DIP2B: variants seen among roughly 807,000 people sequenced by gnomAD.
The protein encoded by DIP2B is disco-interacting protein 2 homolog B.
A neutral mutation model predicts 198.0 loss-of-function variants in DIP2B; 76 were observed. The observed-to-expected ratio is 0.38, with a 90% CI of 0.32 to 0.46. The LOEUF (loss-of-function observed/expected upper bound fraction) is 0.46, where lower values mean the gene tolerates loss of function less well. DIP2B is among the 20% of genes least tolerant of loss of function. The pLI is 0.99. For synonymous variants in DIP2B, 701 were observed against 739.1 expected, an observed-to-expected ratio of 0.95 and a Z score of 0.84; for missense variants, 1,559 against 1,978.4, an observed-to-expected ratio of 0.79 and a Z score of 4.02.
chr12:50,713,358 TA>T (rs1322120058), intron 22 of DIP2B, among the ~76,000 whole-genome samples: 2 of 152,264 alleles, frequency 1.3e-5, no homozygotes, highest in Non-Finnish European at 2.9e-5. Context: ...AGAAGTTTTT[TA>T]GGAGCTAACT....
In DIP2B at chr12:50,675,395, A is replaced by G; in HGVS notation, c.863A>G (p.Lys288Arg). 6.2e-7 allele frequency: 1 copy of G among 1,613,986 alleles called. No individual in the cohort carries two copies. Residue 288 changes from lysine (K) to arginine (R), a missense_variant, in exon 7 of 38, where the codon AAA becomes AGA. Lys to Arg is a conservative substitution (Grantham distance 26). Transcript: ENST00000301180. The part of the protein sequence containing the change: ...QQLLNTLKRP[K>R]RPPLKEFFVD... The stretch of plus-strand genomic sequence containing the variant: ...CTTCTGAACACTCTGAAACGACCCA[A>G]AAGGCCTCCCTTAAAGGAATTTTTT...
intron 28 of DIP2B, among the ~76,000 whole-genome samples, chr12:50,727,022 G>A (rs752073969): frequency 1.3e-5 from 2 of 152,146 alleles, no homozygotes; most frequent in Non-Finnish European, 1.5e-5. Flanking sequence ...GGAGGCTGAG[G>A]TGGGAGGATC....
In DIP2B at chr12:50,704,036, C is replaced by G. The variant is rs569276509; in HGVS notation, c.2326-104C>G. 7.7e-5 allele frequency: 69 copies of G among 893,116 alleles called. No individual in the cohort carries two copies. The Admixed American group carries it at 1.3e-3, about 17-fold the overall frequency. The allele number at this position is 893,116 out of a possible 1,614,324, so 55.3% of individuals were successfully genotyped here. Reference sequence around the variant, plus strand: ...GATGGAATTACTGGATTCACTATTACATTATTTTTTCACTGAGCATGTATT... The same window carrying G: ...GATGGAATTACTGGATTCACTATTAGATTATTTTTTCACTGAGCATGTATT... On this transcript the variant is annotated intron_variant, in intron 19 of 37. Transcript: ENST00000301180.
In DIP2B at chr12:50,737,071, T is replaced by C; in HGVS notation, c.4137T>C (p.Pro1379=). The C allele has an allele frequency of 6.2e-7, 1 of 1,614,148 alleles. No individual in the cohort carries two copies. Among genetic ancestry groups the C allele is most frequent in the South Asian group, 1.1e-5 (1 of 91,066 alleles). The change falls in exon 35 of 38, where the codon CCT becomes CCC. Residue 1379 remains proline (P), a synonymous_variant. Coordinates refer to ENST00000301180, the MANE Select transcript of DIP2B (RefSeq NM_173602.3). ...LPGVKVVIVN[P]ETKGPVGDSH... ...GAGTGAAAGTGGTTATTGTTAATCC[T>C]GAGACCAAAGGGCCGGTTGGAGACT...
At chr12:50,522,002 TTTA>T (rs1217563348) in intron 1 of DIP2B, among the ~76,000 whole-genome samples, 8 of 151,462 alleles carry the variant, frequency 5.3e-5, no homozygotes, top group Non-Finnish European at 7.4e-5. Context: ...TATTGTATAT[TTTA>T]TTATTATTTT....
In DIP2B at chr12:50,744,884, A is replaced by G. The variant is rs1428750094; in HGVS notation, c.*45A>G. On this transcript the variant is annotated 3_prime_UTR_variant, in exon 38 of 38. Transcript: ENST00000301180. ...AGTGGGCCATTCTGAAGAATCACAA[A>G]GACAGAAGACCTCTGGCTAAGAGCA... The G allele has an allele frequency of 6.2e-7, 1 of 1,601,338 alleles. No individual in the cohort carries two copies. The highest frequency in any genetic ancestry group is 1.1e-5 in the South Asian group (1 of 90,292).
chr12:50,708,355 G>A, intron 21 of DIP2B, 93 bp from the exon 22 acceptor site: 1 of 1,092,674 alleles, frequency 9.2e-7, no homozygotes, highest in Non-Finnish European at 1.4e-6. Context: ...GGGTAGCATG[G>A]TGGGGTTGTC....
At chr12:50,660,606 C>T (rs768117790) in intron 4 of DIP2B, among the ~76,000 whole-genome samples, 17 of 151,504 alleles carry the variant, frequency 1.1e-4, no homozygotes, top group Non-Finnish European at 2.4e-4. Flanking sequence ...GTCATAAATA[C>T]AGGCCAAAGC....
At chr12:50,680,621 G>T (rs745359425) in intron 8 of DIP2B, 51 bp from the exon 9 acceptor site, 2 of 1,527,500 alleles carry the variant, frequency 1.3e-6, no homozygotes, top group African/African-American at 2.8e-5. Flanking sequence ...CATTGAGGTA[G>T]ACCTGTTTTT....
At chr12:50,584,730 AT>A (rs1958755688) in intron 1 of DIP2B, among the ~76,000 whole-genome samples, 1 of 151,816 alleles carries the variant, frequency 6.6e-6, no homozygotes, top group African/African-American at 2.4e-5. Flanking sequence ...CACCTGGCTT[AT>A]TTTTGTATTT....
At chr12:50,719,133 A>G (rs931152556) in intron 25 of DIP2B, 98 bp downstream of exon 25, 4 of 1,314,172 alleles carry the variant, frequency 3.0e-6, no homozygotes, top group Non-Finnish European at 4.2e-6. Context: ...TTCTGTTGCC[A>G]TCTCTGAAGA....
At chr12:50,712,809 G>C (rs1939642987) in intron 22 of DIP2B, among the ~76,000 whole-genome samples, 1 of 152,162 alleles carries the variant, frequency 6.6e-6, no homozygotes, top group African/African-American at 2.4e-5. Context: ...TCCGGAGACT[G>C]AGGCAGGAGA....
intron 1 of DIP2B, among the ~76,000 whole-genome samples, chr12:50,576,826 C>T (rs960857233): frequency 6.6e-6 from 1 of 151,662 alleles, no homozygotes; most frequent in African/African-American, 2.4e-5. Flanking sequence ...TTTTCTAGGT[C>T]GAGTCCTATT....
intron 1 of DIP2B, among the ~76,000 whole-genome samples, chr12:50,588,912 C>T (rs570492426): frequency 5.9e-5 from 9 of 152,212 alleles, no homozygotes; most frequent in East Asian, 3.9e-4. Context: ...GTGCTGGGCG[C>T]GGTGGCTCAC....
At chr12:50,599,676 G>A (rs1958919058) in intron 1 of DIP2B, among the ~76,000 whole-genome samples, 1 of 152,184 alleles carries the variant, frequency 6.6e-6, no homozygotes, top group Non-Finnish European at 1.5e-5. Context: ...TTCCCCTGAA[G>A]GGATGGTCTG....
Position 50,732,505 on chromosome 12 carries a change from G to A in DIP2B, c.3950G>A (p.Gly1317Glu). 1 of 1,614,216 alleles carries A rather than the reference G, an allele frequency of 6.2e-7. No individual in the cohort carries two copies. The highest frequency in any genetic ancestry group is 8.5e-7 in the Non-Finnish European group (1 of 1,180,042). Residue 1317 changes from glycine (G) to glutamate (E), a missense_variant, in exon 32 of 38, where the codon GGA (glycine) becomes GAA (glutamate). Physicochemically the swap from Gly to Glu is moderately conservative, Grantham distance 98. Coordinates refer to ENST00000301180, the MANE Select transcript of DIP2B (RefSeq NM_173602.3). The stretch of plus-strand genomic sequence containing the variant: ...CCGCGGGCTGTCAGCACCACTTTTG[G>A]ATCAAGAGTCAATGTAGCAATATGT... ...LSPRAVSTTF[G>E]SRVNVAICLQ... is the part of the protein sequence containing the mutation.
intron 10 of DIP2B, among the ~76,000 whole-genome samples, chr12:50,685,282 A>G (rs1164019630): frequency 1.3e-5 from 2 of 152,154 alleles, no homozygotes; most frequent in African/African-American, 4.8e-5. Context: ...TTTAATGGAA[A>G]TGTTTTAGAC....
intron 1 of DIP2B, among the ~76,000 whole-genome samples, chr12:50,607,107 TC>T (rs1565842874): frequency 1.5e-5 from 2 of 132,166 alleles, no homozygotes; most frequent in African/African-American, 5.3e-5. Flanking sequence ...ATGCTTGGCT[TC>T]TTTTTTTTTT....
At chr12:50,648,892 A>G (rs1938402435) in intron 3 of DIP2B, among the ~76,000 whole-genome samples, 2 of 152,208 alleles carry the variant, frequency 1.3e-5, no homozygotes, top group South Asian at 4.1e-4. Context: ...TCAATGACAG[A>G]ATTAACTTAA....
Sources: allele counts gnomAD v4.1 joint callset (sites outside exome capture counted in the v4.1 genomes callset), GRCh38; gene constraint gnomAD v4.1.1; transcripts MANE v1.5; gene names NCBI Gene and HGNC (gene_info 2026-07-23, HGNC 2026-07-21).